NRK: variants seen among roughly 807,000 people sequenced by gnomAD.
NRK encodes Nik related kinase, also known as nik-related protein kinase.
Under a neutral mutation model 125.2 loss-of-function variants are expected in NRK, and 67 were observed. The ratio of observed to expected loss-of-function variants is 0.54; its 90% confidence interval spans 0.44 to 0.66. The LOEUF (loss-of-function observed/expected upper bound fraction) is 0.66. Among genes scored for constraint, NRK ranks in the 30% least tolerant of loss-of-function variants. The pLI is 0.00. For synonymous variants in NRK, 458 were observed against 429.0 expected (o/e 1.07, Z -0.84); for missense variants, 1,224 against 1,192.9 (o/e 1.03, Z -0.38).
At chrX:105,935,683 G>A (rs908697018) in intron 21 of NRK, among the ~76,000 whole-genome samples, 3 of 108,628 alleles carry the variant, frequency 2.8e-5, no homozygotes, top group Non-Finnish European at 5.7e-5. Context: ...CCAGCTACTT[G>A]GGAGACTGAG....
At chrX:105,928,379 T>C (rs896728363) in intron 19 of NRK, among the ~76,000 whole-genome samples, 1 of 111,616 alleles carries the variant, frequency 9.0e-6, no homozygotes, top group African/African-American at 3.2e-5. Context: ...TTTTATACTT[T>C]CTTGTTAGTT....
At position 105,917,679 on chromosome X, in the gene NRK, C is replaced by T; in HGVS notation, c.2512+7C>T. On this transcript the variant is annotated splice_region_variant and intron_variant, in intron 16 of 28. Transcript: ENST00000243300. The stretch of plus-strand genomic sequence containing the variant: ...AATTGGCTGGCAGCATCAGGTGATT[C>T]AAAGCACAAAATTTTAGCAGGCAAA... The T allele has an allele frequency of 9.5e-7, 1 of 1,047,276 alleles. No individual in the cohort carries two copies. Among genetic ancestry groups the T allele is most frequent in the Non-Finnish European group, 1.3e-6 (1 of 774,734 alleles). The allele number at this position is 1,047,276 out of a possible 1,213,427, so 86.3% of individuals were successfully genotyped here. A position where few individuals can be genotyped will look rare whatever the true frequency, so the allele number is the denominator to read the frequency against.
chrX:105,957,036 G>A lies in NRK; in HGVS notation c.*1436G>A, dbSNP rs1157959913. 8.9e-6 allele frequency: 1 copy of A among 112,542 alleles called. No homozygotes were observed. Among genetic ancestry groups the A allele is most frequent in the African/African-American group, 3.2e-5 (1 of 30,878 alleles). 9.3% of individuals were successfully genotyped at this position (112,542 alleles called of 1,213,427 possible). A position where few individuals can be genotyped will look rare whatever the true frequency, so the allele number is the denominator to read the frequency against. On this transcript the variant is annotated 3_prime_UTR_variant, in exon 29 of 29. Coordinates refer to ENST00000243300, the MANE Select transcript of NRK (RefSeq NM_198465.4). ...AAAATACAAAAGCAGCTGACTATGT[G>A]TGATTTCATAATAGCACATTTCTTG...
intron 2 of NRK, among the ~76,000 whole-genome samples, chrX:105,833,799 A>G (rs1296181616): frequency 1.8e-5 from 2 of 111,407 alleles, no homozygotes; most frequent in Admixed American, 9.6e-5. Context: ...AAGATTTTCA[A>G]TGTACATCTT....
intron 2 of NRK, among the ~76,000 whole-genome samples, chrX:105,837,629 T>C (rs1304815830): frequency 6.3e-5 from 7 of 111,245 alleles, no homozygotes; most frequent in Admixed American, 4.8e-4. Flanking sequence ...CAAGCCTCAC[T>C]TGAAATTGTG....
At chrX:105,923,807 G>A (rs1409424009) in intron 18 of NRK, among the ~76,000 whole-genome samples, 3 of 103,199 alleles carry the variant, frequency 2.9e-5, no homozygotes, top group Admixed American at 2.1e-4. Flanking sequence ...GGACAACAAA[G>A]AAAGTGTGTA....
chrX:105,925,396 C>T (rs767117020), intron 19 of NRK, among the ~76,000 whole-genome samples: 52 of 111,264 alleles, frequency 4.7e-4, no homozygotes, highest in African/African-American at 1.7e-3. Flanking sequence ...ATGATGACAT[C>T]AGGGTATTTA....
intron 8 of NRK, 64 bp from the exon 9 acceptor site, chrX:105,900,554 G>A: frequency 2.7e-6 from 2 of 739,764 alleles, no homozygotes; most frequent in Non-Finnish European, 4.1e-6. Flanking sequence ...ACATTGTTTT[G>A]AGATTCTAAA....
intron 25 of NRK, 71 bp downstream of exon 25, chrX:105,946,086 C>T: frequency 2.0e-6 from 2 of 1,003,105 alleles, no homozygotes; most frequent in East Asian, 3.2e-5. Context: ...CCAATCTGAC[C>T]TTTGAAGAGA....
At chrX:105,886,271 T>A in intron 4 of NRK, among the ~76,000 whole-genome samples, 1 of 108,919 alleles carries the variant, frequency 9.2e-6, no homozygotes, top group East Asian at 2.9e-4. Flanking sequence ...ATGTGCTTTA[T>A]ATACTGATTA....
chrX:105,874,934 A>G (rs1031755656), intron 2 of NRK, among the ~76,000 whole-genome samples: 2 of 111,879 alleles, frequency 1.8e-5, no homozygotes, highest in Non-Finnish European at 3.8e-5. Context: ...CAAAAAGAAT[A>G]TACGTTCATC....
At chrX:105,834,434 T>A (rs1420359086) in intron 2 of NRK, among the ~76,000 whole-genome samples, 2 of 109,784 alleles carry the variant, frequency 1.8e-5, no homozygotes, top group Non-Finnish European at 3.8e-5. Flanking sequence ...AAATATGAAA[T>A]GTCTGGAGGT....
At chrX:105,850,074 CT>C (rs1367612713) in intron 2 of NRK, among the ~76,000 whole-genome samples, 1 of 112,474 alleles carries the variant, frequency 8.9e-6, no homozygotes, top group East Asian at 2.8e-4. Flanking sequence ...TGCGGCAAAC[CT>C]TTGCCTGGTG....
intron 2 of NRK, among the ~76,000 whole-genome samples, chrX:105,858,240 T>C (rs2039556818): frequency 9.0e-6 from 1 of 110,681 alleles, no homozygotes; most frequent in Non-Finnish European, 1.9e-5. Context: ...AGTGAGACTA[T>C]TCTTCATGTT....
intron 10 of NRK, 25 bp from the exon 11 acceptor site, chrX:105,906,389 T>G: frequency 9.7e-7 from 1 of 1,033,907 alleles, no homozygotes; most frequent in Non-Finnish European, 1.3e-6. Flanking sequence ...ACACTTTTTT[T>G]TCCTCTCTTT....
rs1219827482 is a variant in NRK at position 105,956,859 on chromosome X, A to C, written c.*1259A>C. 8.9e-6 allele frequency: 1 copy of C among 111,958 alleles called. No individual in the cohort carries two copies. Among genetic ancestry groups the C allele is most frequent in the Non-Finnish European group, 1.9e-5 (1 of 53,119 alleles). The allele number at this position is 111,958 out of a possible 1,213,427, so 9.2% of individuals were successfully genotyped here. ...ACCTGATGAAGAGCATAATTTCTGC[A>C]TATCCATCCTCAATACCATGGTAAA... On this transcript the variant is annotated 3_prime_UTR_variant, in exon 29 of 29. Transcript: ENST00000243300.
chrX:105,909,925 G>GA, intron 13 of NRK, 43 bp downstream of exon 13: 1 of 1,044,071 alleles, frequency 9.6e-7, no homozygotes. Flanking sequence ...AAAATGAAGA[G>GA]AAAATGTGAT....
At chrX:105,837,615 A>G (rs558211933) in intron 2 of NRK, among the ~76,000 whole-genome samples, 8 of 111,108 alleles carry the variant, frequency 7.2e-5, no homozygotes, top group South Asian at 7.6e-4. Flanking sequence ...ACCTCCTGCC[A>G]GTTCAAGCCT....
rs745763541 is a variant in NRK, at chrX:105,822,851, G to A, written c.6G>A (p.Ala2=). The change falls in exon 1 of 29, where the codon GCG becomes GCA. Residue 2 remains alanine (A), a synonymous_variant. Transcript: ENST00000243300. M[A]GPGGWRDREV... is the part of the protein sequence containing the mutation. ...CCGTTCGGCTCCTCGAAGCCATGGC[G>A]GGACCTGGGGGCTGGAGGGACAGGG... 1.7e-6 allele frequency: 2 copies of A among 1,171,380 alleles called. No individual in the cohort carries two copies. Among genetic ancestry groups the A allele is most frequent in the Admixed American group, 5.1e-5 (2 of 39,396 alleles).
Sources: gnomAD v4.1 joint callset for allele counts (sites outside exome capture counted in the v4.1 genomes callset) on GRCh38, gnomAD v4.1.1 for gene constraint, MANE v1.5 for transcripts, NCBI Gene and HGNC (gene_info 2026-07-23, HGNC 2026-07-21) for gene names.